Variants in OSTF1 observed in about 807,000 individuals in gnomAD.
OSTF1 encodes osteoclast stimulating factor 1.
A neutral mutation model predicts 37.2 loss-of-function variants in OSTF1; 27 were observed. That is an observed-to-expected ratio of 0.73 (90% CI 0.54 to 1.00). The LOEUF (loss-of-function observed/expected upper bound fraction) is 1.00, where lower values mean the gene tolerates loss of function less well. OSTF1 is among the 50% of genes least tolerant of loss of function. The probability of loss-of-function intolerance (pLI) is 0.00; values close to 1 mark genes in which losing one functional copy is unlikely to be tolerated. For missense variants in OSTF1, 232 were observed against 253.8 expected, an observed-to-expected ratio of 0.91 and a Z score of 0.58; for synonymous variants, 82 against 89.2, an observed-to-expected ratio of 0.92 and a Z score of 0.46.
At chr9:75,102,743 T>G (rs1825215728) in intron 1 of OSTF1, among the ~76,000 whole-genome samples, 1 of 152,196 alleles carries the variant, frequency 6.6e-6, no homozygotes, top group South Asian at 2.1e-4. Context: ...AACTACTGTT[T>G]GTTTTTTAAA....
chr9:75,131,921 A>G, intron 5 of OSTF1, 98 bp downstream of exon 5: 1 of 816,546 alleles, frequency 1.2e-6, no homozygotes, highest in Non-Finnish European at 2.1e-6. Context: ...ACCAACACCC[A>G]GATCAAGATC....
At chr9:75,146,189 T>TC (rs755078567) in intron 9 of OSTF1, among the ~76,000 whole-genome samples, 16 of 152,190 alleles carry the variant, frequency 1.1e-4, no homozygotes, top group Non-Finnish European at 1.6e-4. Context: ...TTAAAACTTT[T>TC]CCCCCCCATT....
At chr9:75,090,894 A>G (rs1383750136) in intron 1 of OSTF1, among the ~76,000 whole-genome samples, 1 of 152,214 alleles carries the variant, frequency 6.6e-6, no homozygotes, top group Non-Finnish European at 1.5e-5. Flanking sequence ...TAGTCACTTT[A>G]CACGTGTTAA....
At chr9:75,102,918 AT>A (rs1167849804) in intron 1 of OSTF1, among the ~76,000 whole-genome samples, 1 of 152,030 alleles carries the variant, frequency 6.6e-6, no homozygotes, top group East Asian at 1.9e-4. Context: ...AGGCATGGCA[AT>A]TTTTTTTCAT....
chr9:75,112,693 A>C (rs889982554), intron 1 of OSTF1, among the ~76,000 whole-genome samples: 1 of 152,232 alleles, frequency 6.6e-6, no homozygotes, highest in African/African-American at 2.4e-5. Flanking sequence ...TCAGTGGTTT[A>C]GTCACATCCA....
chr9:75,096,619 T>A (rs1825091212), intron 1 of OSTF1, among the ~76,000 whole-genome samples: 1 of 152,234 alleles, frequency 6.6e-6, no homozygotes, highest in South Asian at 2.1e-4. Context: ...TGGATTCTAT[T>A]TTAGGATTCT....
At chr9:75,101,281 C>A (rs997356851) in intron 1 of OSTF1, among the ~76,000 whole-genome samples, 1 of 152,202 alleles carries the variant, frequency 6.6e-6, no homozygotes, top group Admixed American at 6.5e-5. Context: ...GGTCACCAGG[C>A]AAGCCACTTT....
At chr9:75,089,456 C>T (rs193180294) in intron 1 of OSTF1, among the ~76,000 whole-genome samples, 6 of 152,124 alleles carry the variant, frequency 3.9e-5, no homozygotes, top group Admixed American at 3.9e-4. Flanking sequence ...TGTCCTTGTT[C>T]ATTTTTGCTC....
rs535464490 is a variant in OSTF1 at position 75,111,811 on chromosome 9, C to CTTTTTT, written c.35-5668_35-5663dup. On this transcript the variant is annotated intron_variant, in intron 1 of 9. Transcript: ENST00000346234. ...TGGTGATCTATTAAGATGTTTACTGCTTTTTTTTTTTTTTTTTTTTTTTTT... is the reference window on the plus strand; with the variant it reads ...TGGTGATCTATTAAGATGTTTACTGCTTTTTTTTTTTTTTTTTTTTTTTTTTTTTTT... Among the ~76,000 whole-genome samples, 117 of 52,170 alleles carry CTTTTTT rather than the reference C, an allele frequency of 2.2e-3. 15 individuals carry two copies. Among genetic ancestry groups the CTTTTTT allele is most frequent in the Admixed American group, 3.7e-3 (11 of 3,000 alleles). The allele number at this position is 52,170 out of a possible 152,430, so 34.2% of individuals were successfully genotyped here.
intron 1 of OSTF1, among the ~76,000 whole-genome samples, chr9:75,099,964 T>C (rs940818779): frequency 2.0e-5 from 3 of 152,272 alleles, no homozygotes; most frequent in Non-Finnish European, 2.9e-5. Context: ...AAAATCATTC[T>C]ATTCATAGTT....
chr9:75,117,061 T>C (rs1170364760), intron 1 of OSTF1, among the ~76,000 whole-genome samples: 6 of 152,196 alleles, frequency 3.9e-5, no homozygotes, highest in African/African-American at 1.4e-4. Context: ...TAATGATATG[T>C]TTTTAAAATT....
intron 9 of OSTF1, among the ~76,000 whole-genome samples, chr9:75,144,122 A>G (rs562374664): frequency 1.5e-4 from 23 of 152,356 alleles, no homozygotes; most frequent in Non-Finnish European, 2.1e-4. Context: ...CCAAGTTGAC[A>G]TGAAGTCCTG....
chr9:75,117,401 A>G (rs975374442), intron 1 of OSTF1, 103 bp from the exon 2 acceptor site: 51 of 756,688 alleles, frequency 6.7e-5, no homozygotes, highest in Non-Finnish European at 1.4e-5. Context: ...ACTTGATCAC[A>G]TGGGTTTTTA....
chr9:75,121,933 AG>A (rs1825586990), intron 2 of OSTF1, among the ~76,000 whole-genome samples: 3 of 152,326 alleles, frequency 2.0e-5, no homozygotes, highest in African/African-American at 7.2e-5. Context: ...AGATGGGGAC[AG>A]CAATGCGCAA....
chr9:75,125,109 C>T (rs1414138639), intron 2 of OSTF1, among the ~76,000 whole-genome samples: 2 of 152,190 alleles, frequency 1.3e-5, no homozygotes, highest in Non-Finnish European at 2.9e-5. Flanking sequence ...TGACACTCTT[C>T]TTCTTCCTTC....
At chr9:75,116,215 T>C (rs1825486418) in intron 1 of OSTF1, among the ~76,000 whole-genome samples, 3 of 152,148 alleles carry the variant, frequency 2.0e-5, no homozygotes, top group Admixed American at 2.0e-4. Context: ...CTAAAGATGA[T>C]TTCAAGTATA....
In OSTF1 at chr9:75,131,807, T is replaced by G; in HGVS notation, c.234T>G (p.His78Gln). The G allele has an allele frequency of 6.2e-7, 1 of 1,613,450 alleles. No homozygotes were observed. Among genetic ancestry groups the G allele is most frequent in the South Asian group, 1.1e-5 (1 of 91,060 alleles). The change falls in exon 5 of 10, where the codon CAT becomes CAG. Residue 78 changes from histidine (H) to glutamine (Q), a missense_variant. Coordinates refer to ENST00000346234, the MANE Select transcript of OSTF1 (RefSeq NM_012383.5). ...CAGAATCCATTGACAATCCATTGCATGAAGCAGCAAAAAGAGGTAGGTGTG... is the reference window on the plus strand; with the variant it reads ...CAGAATCCATTGACAATCCATTGCAGGAAGCAGCAAAAAGAGGTAGGTGTG... ...EQAESIDNPLHEAAKRGNLSW... is the reference protein window; with the variant it reads ...EQAESIDNPLQEAAKRGNLSW...
At chr9:75,135,742 G>A (rs1011273665) in intron 7 of OSTF1, among the ~76,000 whole-genome samples, 2 of 152,178 alleles carry the variant, frequency 1.3e-5, no homozygotes, top group African/African-American at 4.8e-5. Context: ...GGTCTCCCAG[G>A]TGGAAATCAA....
chr9:75,107,437 G>T (rs1171028659), intron 1 of OSTF1, among the ~76,000 whole-genome samples: 1 of 152,120 alleles, frequency 6.6e-6, no homozygotes, highest in Admixed American at 6.6e-5. Context: ...TATTTTCCAT[G>T]ATTCTCTCTT....
Sources: gnomAD v4.1 joint callset for allele counts (sites outside exome capture counted in the v4.1 genomes callset) on GRCh38, gnomAD v4.1.1 for gene constraint, MANE v1.5 for transcripts, NCBI Gene and HGNC (gene_info 2026-07-23, HGNC 2026-07-21) for gene names.